FNDC3A: variants seen among roughly 807,000 people sequenced by gnomAD.
The protein encoded by FNDC3A is fibronectin type-III domain-containing protein 3A.
A neutral mutation model predicts 148.9 loss-of-function variants in FNDC3A; 32 were observed. The observed-to-expected ratio is 0.21, with a 90% CI of 0.16 to 0.29. FNDC3A has a LOEUF of 0.29. Among genes scored for constraint, FNDC3A ranks in the 10% least tolerant of loss-of-function variants. FNDC3A has a pLI of 1.00. For missense variants in FNDC3A, 1,191 were observed against 1,452.8 expected (o/e 0.82, Z 2.93); for synonymous variants, 472 against 473.6 (o/e 1.00, Z 0.04).
chr13:48,997,686 G>A (rs1376665665), intron 1 of FNDC3A, among the ~76,000 whole-genome samples: 1 of 152,134 alleles, frequency 6.6e-6, no homozygotes, highest in Non-Finnish European at 1.5e-5. Context: ...CTAGCACCCT[G>A]ATCTTGGACA....
chr13:49,147,986 A>C (rs9526523), intron 8 of FNDC3A, among the ~76,000 whole-genome samples: 13,713 of 152,216 alleles, frequency 0.09, 686 homozygotes, highest in Non-Finnish European at 0.12. Context: ...AATGATGTAG[A>C]GTATTTTTTC....
intron 4 of FNDC3A, among the ~76,000 whole-genome samples, chr13:49,117,164 G>A (rs945020826): frequency 1.3e-5 from 2 of 152,070 alleles, no homozygotes; most frequent in African/African-American, 4.8e-5. Context: ...ATAATCATCC[G>A]AGTTGAGGTT....
In FNDC3A at chr13:49,207,803, A is replaced by C. The variant is rs1886724425; in HGVS notation, c.*408A>C. On this transcript the variant is annotated 3_prime_UTR_variant, in exon 26 of 26. Coordinates refer to ENST00000492622, the MANE Select transcript of FNDC3A (RefSeq NM_001079673.2). ...TTCAGAATGAATAGAATTTACACTA[A>C]CATGCTATATAAAATGTTAAAGTCT... The C allele has an allele frequency of 6.3e-6, 1 of 158,648 alleles. No homozygotes were observed. The highest frequency in any genetic ancestry group is 6.3e-5 in the Admixed American group (1 of 15,936). 9.8% of individuals were successfully genotyped at this position (158,648 alleles called of 1,614,324 possible).
In FNDC3A at chr13:49,208,617, T is replaced by C. The variant is rs1416481724; in HGVS notation, c.*1222T>C. ...TTTGTGAGCTTGCATTTGTGAGTTA[T>C]TGGATGATCAGACTGAATTTTGTCA... On this transcript the variant is annotated 3_prime_UTR_variant, in exon 26 of 26. Transcript: ENST00000492622. 1 of 152,670 alleles carries C rather than the reference T, an allele frequency of 6.6e-6. No homozygotes were observed. The highest frequency in any genetic ancestry group is 1.5e-5 in the Non-Finnish European group (1 of 68,044). 9.5% of individuals were successfully genotyped at this position (152,670 alleles called of 1,614,324 possible). A position where few individuals can be genotyped will look rare whatever the true frequency, so the allele number is the denominator to read the frequency against.
chr13:49,101,906 TGG>T (rs1879881874), intron 3 of FNDC3A, among the ~76,000 whole-genome samples: 2 of 151,784 alleles, frequency 1.3e-5, no homozygotes, highest in Non-Finnish European at 2.9e-5. Flanking sequence ...CTTAACAGCG[TGG>T]TCCTTGGTAC....
rs1169874445 is a variant in FNDC3A at position 49,168,207 on chromosome 13, C to G, written c.1038-406C>G. 2.0e-5 allele frequency among the ~76,000 whole-genome samples: 3 copies of G among 152,154 alleles called. No individual in the cohort carries two copies. The East Asian group carries it at 5.8e-4, about 29-fold the overall frequency. On this transcript the variant is annotated intron_variant, in intron 9 of 25. Transcript: ENST00000492622. ...CAAGTGTACTTACTATGGATATACT[C>G]AAAGTATTGTCCAACCTAACCTTTT...
At chr13:49,120,665 A>C (rs912187900) in intron 4 of FNDC3A, among the ~76,000 whole-genome samples, 11 of 151,588 alleles carry the variant, frequency 7.3e-5, no homozygotes, top group African/African-American at 2.2e-4. Context: ...GCAAATGGAA[A>C]GCAAAAAAAA....
chr13:49,089,042 A>T (rs1879003554), intron 3 of FNDC3A, among the ~76,000 whole-genome samples: 1 of 152,190 alleles, frequency 6.6e-6, no homozygotes, highest in Non-Finnish European at 1.5e-5. Flanking sequence ...GGGAGGGAAG[A>T]GTGGAGAGTT....
intron 13 of FNDC3A, among the ~76,000 whole-genome samples, chr13:49,178,190 TA>T (rs1885125928): frequency 6.6e-6 from 1 of 152,238 alleles, no homozygotes; most frequent in African/African-American, 2.4e-5. Flanking sequence ...TTAAATATGT[TA>T]ACTACTTACA....
At chr13:48,994,444 G>A (rs1951984281) in intron 1 of FNDC3A, among the ~76,000 whole-genome samples, 2 of 152,180 alleles carry the variant, frequency 1.3e-5, no homozygotes, top group South Asian at 4.1e-4. Context: ...TTGTAATTAT[G>A]TTTTAAAAAG....
intron 10 of FNDC3A, among the ~76,000 whole-genome samples, chr13:49,170,214 T>C (rs1034317391): frequency 2.0e-5 from 3 of 152,154 alleles, no homozygotes; most frequent in Admixed American, 6.6e-5. Context: ...GTCACTGTTA[T>C]TGGAGGATAG....
In FNDC3A at chr13:49,114,725, C is replaced by T; in HGVS notation, c.246C>T (p.Ala82=). 2 of 1,600,490 alleles carry T rather than the reference C, an allele frequency of 1.2e-6. No homozygotes were observed. Among genetic ancestry groups the T allele is most frequent in the Non-Finnish European group, 1.7e-6 (2 of 1,167,788 alleles). ...CTATCTATGTGCCTCCTGGATATGCCCCACAGGTATGTTTTTATGCTATTT... is the reference window on the plus strand; with the variant it reads ...CTATCTATGTGCCTCCTGGATATGCTCCACAGGTATGTTTTTATGCTATTT... ...VPPIYVPPGY[A]PQVIEDNGVR... is the part of the protein sequence containing the mutation. The change falls in exon 4 of 26, where the codon GCC becomes GCT. Residue 82 remains alanine, a synonymous_variant. Transcript: ENST00000492622.
At chr13:49,055,126 C>T (rs143588186) in intron 2 of FNDC3A, among the ~76,000 whole-genome samples, 2,839 of 150,764 alleles carry the variant, frequency 0.019, 92 homozygotes, top group African/African-American at 0.064. Flanking sequence ...TTTTTAGAGA[C>T]AGGGTCTCAC....
At chr13:49,099,791 T>C (rs1048051001) in intron 3 of FNDC3A, among the ~76,000 whole-genome samples, 1 of 152,108 alleles carries the variant, frequency 6.6e-6, no homozygotes, top group African/African-American at 2.4e-5. Flanking sequence ...TATTTACACA[T>C]CTCGATAAGA....
At position 49,034,845 on chromosome 13, in the gene FNDC3A, A is replaced by G. The variant is rs192935049; in HGVS notation, c.99+28556A>G. ...GCAGTGAATTCATATTTTAAACTCA[A>G]TCCTAAAATGAACAAAGTAAATGAG... On this transcript the variant is annotated intron_variant, in intron 2 of 25. Coordinates refer to ENST00000492622, the MANE Select transcript of FNDC3A (RefSeq NM_001079673.2). 3.9e-4 allele frequency among the ~76,000 whole-genome samples: 60 copies of G among 152,146 alleles called. 1 individual carries two copies. In the East Asian group the frequency reaches 6.5e-3, roughly 17 times the overall value.
intron 2 of FNDC3A, among the ~76,000 whole-genome samples, chr13:49,032,588 T>C (rs1057401464): frequency 2.0e-5 from 3 of 151,996 alleles, no homozygotes; most frequent in African/African-American, 7.2e-5. Flanking sequence ...TACAAAAAAT[T>C]AGCCGGGTGT....
intron 3 of FNDC3A, among the ~76,000 whole-genome samples, chr13:49,091,210 A>C (rs1013532962): frequency 6.6e-6 from 1 of 152,152 alleles, no homozygotes; most frequent in African/African-American, 2.4e-5. Context: ...TTAAATGTCC[A>C]GTTTTCAACA....
At chr13:49,178,055 G>A (rs528516640) in intron 13 of FNDC3A, among the ~76,000 whole-genome samples, 7 of 152,130 alleles carry the variant, frequency 4.6e-5, no homozygotes, top group South Asian at 4.1e-4. Context: ...GATAACGTTC[G>A]GAAAATTTGT....
intron 2 of FNDC3A, among the ~76,000 whole-genome samples, chr13:49,015,718 A>G (rs1952483738): frequency 1.3e-5 from 2 of 152,092 alleles, no homozygotes. Flanking sequence ...TTGCCCATTC[A>G]GTATGATATT....
Sources: gnomAD v4.1 joint callset for allele counts (sites outside exome capture counted in the v4.1 genomes callset) on GRCh38, gnomAD v4.1.1 for gene constraint, MANE v1.5 for transcripts, NCBI Gene and HGNC (gene_info 2026-07-23, HGNC 2026-07-21) for gene names.